The following USP42 variants were observed in gnomAD, a reference collection of about 807,000 sequenced individuals.
The protein encoded by USP42 is ubiquitin specific peptidase 42, also known as ubiquitin carboxyl-terminal hydrolase 42.
A neutral mutation model predicts 113.0 loss-of-function variants in USP42; 23 were observed. The observed-to-expected ratio is 0.20, with a 90% CI of 0.15 to 0.29. USP42 has a LOEUF of 0.29. Among genes scored for constraint, USP42 ranks in the 10% least tolerant of loss-of-function variants. The pLI, the probability that USP42 is intolerant of heterozygous loss-of-function variation, is 1.00. For missense variants in USP42, 2,174 were observed against 1,779.8 expected (o/e 1.22, Z -3.99); for synonymous variants, 933 against 699.0 (o/e 1.33, Z -5.28).
intron 1 of USP42, among the ~76,000 whole-genome samples, chr7:6,105,897 A>T (rs1057393446): frequency 2.6e-5 from 4 of 152,184 alleles, no homozygotes; most frequent in Non-Finnish European, 4.4e-5. Context: ...TCACTTGTTT[A>T]TGGGAAAACA....
intron 2 of USP42, among the ~76,000 whole-genome samples, chr7:6,113,959 A>G (rs559687623): frequency 2.0e-5 from 3 of 152,330 alleles, no homozygotes; most frequent in Non-Finnish European, 2.9e-5. Context: ...GGGACTGCCA[A>G]AGCCTTTGAA....
At chr7:6,144,258 T>C in intron 9 of USP42, 62 bp downstream of exon 9, 1 of 1,143,764 alleles carries the variant, frequency 8.7e-7, no homozygotes, top group Non-Finnish European at 1.2e-6. Flanking sequence ...AACGTGTCTG[T>C]AGCTATTAAG....
intron 3 of USP42, among the ~76,000 whole-genome samples, chr7:6,133,838 T>C (rs1780983068): frequency 6.6e-6 from 1 of 151,836 alleles, no homozygotes; most frequent in Non-Finnish European, 1.5e-5. Context: ...ATCCCAGAGA[T>C]TGTACTCTTC....
At chr7:6,152,897 G>A in intron 14 of USP42, 1 of 984,788 alleles carries the variant, frequency 1.0e-6, no homozygotes, top group Non-Finnish European at 1.2e-6. Flanking sequence ...AGAGAAATCA[G>A]AGAAAGGGAG....
chr7:6,131,899 G>C (rs976767766), intron 3 of USP42, among the ~76,000 whole-genome samples: 9 of 152,154 alleles, frequency 5.9e-5, no homozygotes, highest in Admixed American at 1.3e-4. Context: ...GTTTGTTTTT[G>C]AATGATATTC....
chr7:6,155,675 A>G (rs950369237), intron 15 of USP42, among the ~76,000 whole-genome samples: 5 of 152,314 alleles, frequency 3.3e-5, no homozygotes, highest in South Asian at 4.2e-4. Flanking sequence ...TGCCCAGCGT[A>G]GGCATCGGAG....
chr7:6,098,748 G>A, the USP42 span, among the ~76,000 whole-genome samples: 315 of 150,182 alleles, frequency 2.1e-3, 22 homozygotes, highest in African/African-American at 7.4e-3. Flanking sequence ...GTTTCACCAT[G>A]TTGGCCAGGC....
At chr7:6,140,483 G>A (rs558435195) in intron 6 of USP42, among the ~76,000 whole-genome samples, 23 of 150,468 alleles carry the variant, frequency 1.5e-4, no homozygotes, top group African/African-American at 5.2e-4. Flanking sequence ...GCCTTCGACA[G>A]TTGGAGTAGT....
At chr7:6,130,093 C>T (rs1329864336) in intron 3 of USP42, among the ~76,000 whole-genome samples, 12 of 151,978 alleles carry the variant, frequency 7.9e-5, no homozygotes, top group Non-Finnish European at 2.9e-5. Context: ...TCAAGCAGTC[C>T]TCTTGCGTCG....
At chr7:6,106,848 G>T (rs1779307696) in intron 1 of USP42, among the ~76,000 whole-genome samples, 1 of 152,084 alleles carries the variant, frequency 6.6e-6, no homozygotes, top group South Asian at 2.1e-4. Context: ...TTACAGGCTT[G>T]GTCCACCATG....
the USP42 span, among the ~76,000 whole-genome samples, chr7:6,092,041 CTTCTTCT>C: frequency 1.1e-5 from 1 of 94,928 alleles, no homozygotes; most frequent in East Asian, 2.3e-4. Context: ...TCTTCTTCTT[CTTCTTCT>C]TCTTCTTTCT....
At chr7:6,104,787 C>G (rs754890544), upstream of USP42, 1 of 151,840 alleles carries the variant, frequency 6.6e-6, no homozygotes, top group Non-Finnish European at 1.5e-5. Flanking sequence ...CTCCCACACT[C>G]GCCGTGCTTG....
At chr7:6,110,189 G>A (rs908017101) in intron 1 of USP42, among the ~76,000 whole-genome samples, 7 of 152,086 alleles carry the variant, frequency 4.6e-5, no homozygotes, top group African/African-American at 1.2e-4. Flanking sequence ...ACTGTTGGGC[G>A]ATTTTAGAAA....
chr7:6,154,660 C>A lies in USP42; in HGVS notation c.3106C>A (p.His1036Asn). The A allele has an allele frequency of 6.2e-7, 1 of 1,606,328 alleles. No individual in the cohort carries two copies. Among genetic ancestry groups the A allele is most frequent in the Non-Finnish European group, 8.5e-7 (1 of 1,177,332 alleles). Residue 1036 changes from histidine to asparagine, a missense_variant, in exon 15 of 18, where the codon CAC (histidine) becomes AAC (asparagine). Physicochemically the swap from His to Asn is moderately conservative, Grantham distance 68. Transcript: ENST00000306177. ...SGVELDWVRH[H>N]YTEGERGWGR... ...GGTGGAGCTGGACTGGGTCAGACAC[C>A]ACTACACCGAGGGCGAGCGTGGCTG...
At chr7:6,148,525 T>C (rs1781849138) in intron 12 of USP42, among the ~76,000 whole-genome samples, 1 of 152,226 alleles carries the variant, frequency 6.6e-6, no homozygotes, top group Admixed American at 6.5e-5. Flanking sequence ...GCGATCTGTT[T>C]ACAAGAACAC....
rs1481699096 is a variant in USP42 at position 6,115,455 on chromosome 7, C to T, written c.374C>T (p.Ala125Val). 6.2e-7 allele frequency: 1 copy of T among 1,614,082 alleles called. No homozygotes were observed. Residue 125 changes from alanine (A) to valine (V), a missense_variant, in exon 3 of 18, where the codon GCA becomes GTA. Ala to Val is a moderately conservative substitution (Grantham distance 64). Coordinates refer to ENST00000306177, the MANE Select transcript of USP42 (RefSeq NM_032172.3). The stretch of plus-strand genomic sequence containing the variant: ...GGCAATACCTGTTTTGCCAATGCAG[C>T]ACTGCAGTGTTTAACCTACACACCA... ...NLGNTCFANA[A>V]LQCLTYTPPL...
chr7:6,132,288 A>G (rs771589236), intron 3 of USP42, among the ~76,000 whole-genome samples: 34 of 152,164 alleles, frequency 2.2e-4, no homozygotes, highest in African/African-American at 8.0e-4. Flanking sequence ...GCTGTGCCTG[A>G]TAAGAAGTCT....
At position 6,147,723 on chromosome 7, in the gene USP42, C is replaced by A. The variant is rs770268812; in HGVS notation, c.1233-16C>A. 5.1e-6 allele frequency: 8 copies of A among 1,565,536 alleles called. No homozygotes were observed. The South Asian group carries it at 7.0e-5, about 14-fold the overall frequency. On this transcript the variant is annotated splice_polypyrimidine_tract_variant and intron_variant, in intron 11 of 17. Coordinates refer to ENST00000306177, the MANE Select transcript of USP42 (RefSeq NM_032172.3). ...GTGTCCTGTGTCACCCTAAGTATCG[C>A]TCTCCTTGTTTCCAGGTCCCATGAT...
the USP42 span, among the ~76,000 whole-genome samples, chr7:6,096,185 A>G: frequency 6.6e-6 from 1 of 150,918 alleles, no homozygotes. Context: ...ACATATAGGT[A>G]TACCTGGCCA....
Sources: gnomAD v4.1 joint callset for allele counts (sites outside exome capture counted in the v4.1 genomes callset) on GRCh38, gnomAD v4.1.1 for gene constraint, MANE v1.5 for transcripts, NCBI Gene and HGNC (gene_info 2026-07-23, HGNC 2026-07-21) for gene names.